NFIB: variants seen among roughly 807,000 people sequenced by gnomAD.
NFIB encodes the protein nuclear factor I B, also known as nuclear factor 1 B-type.
A neutral mutation model predicts 61.5 loss-of-function variants in NFIB; 11 were observed. That is an observed-to-expected ratio of 0.18 (90% CI 0.11 to 0.30). The LOEUF (loss-of-function observed/expected upper bound fraction) is 0.30, where lower values mean the gene tolerates loss of function less well. NFIB is among the 10% of genes least tolerant of loss of function. NFIB has a pLI of 1.00. For synonymous variants in NFIB, 260 were observed against 216.5 expected, an observed-to-expected ratio of 1.20 and a Z score of -1.76; for missense variants, 471 against 608.9, an observed-to-expected ratio of 0.77 and a Z score of 2.38.
the NFIB span, among the ~76,000 whole-genome samples, chr9:14,466,215 G>A: frequency 1.3e-5 from 2 of 152,146 alleles, no homozygotes; most frequent in Non-Finnish European, 2.9e-5. Flanking sequence ...AGGCAAGGCC[G>A]TTATCTTCAG....
At chr9:14,207,909 C>T (rs1227125721) in intron 2 of NFIB, among the ~76,000 whole-genome samples, 2 of 152,082 alleles carry the variant, frequency 1.3e-5, no homozygotes, top group African/African-American at 2.4e-5. Context: ...CTAAATGAGA[C>T]TCAAGGAAAG....
chr9:14,351,363 T>A (rs970446803), intron 1 of NFIB, among the ~76,000 whole-genome samples: 2 of 152,102 alleles, frequency 1.3e-5, no homozygotes, highest in Non-Finnish European at 2.9e-5. Context: ...GCGCCAGCCC[T>A]GTGCCCCATA....
At chr9:14,256,338 A>G (rs1016544291) in intron 2 of NFIB, among the ~76,000 whole-genome samples, 4 of 152,188 alleles carry the variant, frequency 2.6e-5, no homozygotes, top group Non-Finnish European at 5.9e-5. Flanking sequence ...ATTATTAATT[A>G]TATACCCATT....
At chr9:14,319,146 G>A (rs1450117620) in intron 1 of NFIB, among the ~76,000 whole-genome samples, 1 of 151,168 alleles carries the variant, frequency 6.6e-6, no homozygotes, top group Non-Finnish European at 1.5e-5. Context: ...GAAAAATGAC[G>A]CTGTTAATAA....
At chr9:14,127,301 T>G (rs2039791224) in intron 6 of NFIB, among the ~76,000 whole-genome samples, 1 of 152,188 alleles carries the variant, frequency 6.6e-6, no homozygotes. Context: ...TATCAACTCA[T>G]AGTAAAATGT....
chr9:14,223,472 A>G (rs964634242), intron 2 of NFIB, among the ~76,000 whole-genome samples: 1 of 152,214 alleles, frequency 6.6e-6, no homozygotes, highest in African/African-American at 2.4e-5. Context: ...AAATAGAACA[A>G]AGCTTAAAAA....
chr9:14,121,002 C>T (rs576897412), intron 7 of NFIB, among the ~76,000 whole-genome samples: 43 of 152,318 alleles, frequency 2.8e-4, no homozygotes, highest in African/African-American at 1.0e-3. Context: ...GTAGCTCACA[C>T]CTGTAATCCC....
At chr9:14,382,286 C>T (rs183119685) in intron 1 of NFIB, among the ~76,000 whole-genome samples, 1 of 152,216 alleles carries the variant, frequency 6.6e-6, no homozygotes, top group Admixed American at 6.5e-5. Flanking sequence ...TTTGAGAACA[C>T]AGCAAGGAAT....
intron 1 of NFIB, among the ~76,000 whole-genome samples, chr9:14,367,191 C>A (rs915503796): frequency 6.6e-6 from 1 of 152,110 alleles, no homozygotes. Flanking sequence ...AGATAATGTG[C>A]ATTCTTTCAA....
At chr9:14,480,470 C>G in the NFIB span, among the ~76,000 whole-genome samples, 1 of 150,704 alleles carries the variant, frequency 6.6e-6, no homozygotes, top group African/African-American at 2.4e-5. Flanking sequence ...AAGTGAAGTG[C>G]CCCTGACTGA....
the NFIB span, among the ~76,000 whole-genome samples, chr9:14,463,100 CAT>C: frequency 2.0e-5 from 3 of 151,754 alleles, no homozygotes; most frequent in East Asian, 1.9e-4. Flanking sequence ...AATAAATACA[CAT>C]GAGAATTAAA....
At chr9:14,521,603 T>G in the NFIB span, among the ~76,000 whole-genome samples, 1 of 141,850 alleles carries the variant, frequency 7.0e-6, no homozygotes, top group Non-Finnish European at 1.5e-5. Context: ...TCGGAGTTCT[T>G]TGTGGATGGT....
At chr9:14,416,370 G>A in the NFIB span, among the ~76,000 whole-genome samples, 1 of 152,166 alleles carries the variant, frequency 6.6e-6, no homozygotes, top group Admixed American at 6.5e-5. Flanking sequence ...AACATAGGAG[G>A]TGACAGCTCC....
At chr9:14,493,470 A>G in the NFIB span, among the ~76,000 whole-genome samples, 1 of 152,238 alleles carries the variant, frequency 6.6e-6, no homozygotes, top group Admixed American at 6.5e-5. Context: ...AAATTCCTGA[A>G]TGTATTCCAC....
At chr9:14,208,729 C>G (rs758453885) in intron 2 of NFIB, among the ~76,000 whole-genome samples, 2 of 152,156 alleles carry the variant, frequency 1.3e-5, no homozygotes, top group Middle Eastern at 3.4e-3. Context: ...GAGGACCATT[C>G]AACAATGTTT....
intron 4 of NFIB, among the ~76,000 whole-genome samples, chr9:14,153,395 A>T (rs1225704075): frequency 6.6e-6 from 1 of 152,082 alleles, no homozygotes; most frequent in Non-Finnish European, 1.5e-5. Context: ...GGAAGAACTT[A>T]CATCAGACGC....
intron 2 of NFIB, among the ~76,000 whole-genome samples, chr9:14,286,635 A>G (rs1162662756): frequency 6.6e-6 from 1 of 152,236 alleles, no homozygotes; most frequent in Non-Finnish European, 1.5e-5. Context: ...CACTTAAGAA[A>G]AAAGAACAAC....
At position 14,313,565 on chromosome 9, in the gene NFIB, G is replaced by C. The variant is rs370622342; in HGVS notation, c.-54C>G. Reference sequence around the variant, plus strand: ...AGATGCCCAAGAAAATCTTCGAGAAGCAAGAATTTCATCTATTCATTTTAC... The same window carrying C: ...AGATGCCCAAGAAAATCTTCGAGAACCAAGAATTTCATCTATTCATTTTAC... On this transcript the variant is annotated 5_prime_UTR_variant, in exon 1 of 11. Transcript: ENST00000380953. This position sits in a 1 kb window ranked among gnomAD's most constrained non-coding sequence, Gnocchi z 4.5. The C allele has an allele frequency of 2.5e-6, 4 of 1,612,516 alleles. No individual in the cohort carries two copies. Among genetic ancestry groups the C allele is most frequent in the Admixed American group, 3.3e-5 (2 of 59,806 alleles).
intron 1 of NFIB, among the ~76,000 whole-genome samples, chr9:14,383,298 A>G (rs912131037): frequency 2.0e-5 from 3 of 152,310 alleles, no homozygotes; most frequent in East Asian, 1.9e-4. Flanking sequence ...GGGCCCAGAT[A>G]CTGAAATACA....
Sources: gnomAD v4.1 joint callset for allele counts (sites outside exome capture counted in the v4.1 genomes callset) on GRCh38, gnomAD v4.1.1 for gene constraint, Gnocchi (gnomAD v3.1) non-coding constraint, MANE v1.5 for transcripts, NCBI Gene and HGNC (gene_info 2026-07-23, HGNC 2026-07-21) for gene names.